The following COL4A5 variants were observed in gnomAD, a reference collection of about 807,000 sequenced individuals.
COL4A5 encodes collagen alpha-5(IV) chain.
In COL4A5, 26 loss-of-function variants were observed where a neutral mutation model predicts 130.2. That is an observed-to-expected ratio of 0.20 (90% confidence interval 0.15 to 0.28). The LOEUF is 0.28. COL4A5 is among the 10% of genes least tolerant of loss of function. COL4A5 has a pLI of 1.00. For synonymous variants in COL4A5, 496 were observed against 439.6 expected, an observed-to-expected ratio of 1.13 and a Z score of -1.60; for missense variants, 1,131 against 1,344.3, an observed-to-expected ratio of 0.84 and a Z score of 2.48.
intron 19 of COL4A5, among the ~76,000 whole-genome samples, chrX:108,588,360 T>C (rs759132475): frequency 9.0e-6 from 1 of 111,654 alleles, no homozygotes; most frequent in Non-Finnish European, 1.9e-5. Context: ...ATGCTCTAAA[T>C]GCAAACTTCA....
At chrX:108,599,590 T>C (rs966530370) in intron 25 of COL4A5, among the ~76,000 whole-genome samples, 1 of 111,570 alleles carries the variant, frequency 9.0e-6, no homozygotes, top group Non-Finnish European at 1.9e-5. Flanking sequence ...GCTAGGTAGA[T>C]AGATAGATCC....
intron 30 of COL4A5, among the ~76,000 whole-genome samples, chrX:108,618,459 A>T (rs57840901): frequency 0.1 from 11,628 of 111,408 alleles, 1,304 homozygotes; most frequent in African/African-American, 0.34. Flanking sequence ...AATTCCAAAA[A>T]GATTATTTAA....
chrX:108,641,616 A>G (rs2067468750), intron 36 of COL4A5, among the ~76,000 whole-genome samples: 1 of 111,874 alleles, frequency 8.9e-6, no homozygotes, highest in Non-Finnish European at 1.9e-5. Context: ...CCAAATACAC[A>G]CCGCCACTGG....
intron 1 of COL4A5, among the ~76,000 whole-genome samples, chrX:108,512,531 T>A (rs1160736739): frequency 5.4e-5 from 6 of 111,610 alleles, no homozygotes; most frequent in East Asian, 5.6e-4. Context: ...TATTTTTTTT[T>A]AATTTTTTTT....
At chrX:108,683,567 C>T (rs2068482091) in intron 47 of COL4A5, among the ~76,000 whole-genome samples, 1 of 111,280 alleles carries the variant, frequency 9.0e-6, no homozygotes, top group Non-Finnish European at 1.9e-5. Context: ...TCTCTTACTT[C>T]CTTGAGCAGT....
chrX:108,694,953 A>G (rs759293303), intron 51 of COL4A5, 32 bp downstream of exon 51: 2 of 1,000,138 alleles, frequency 2.0e-6, no homozygotes, highest in Non-Finnish European at 2.8e-6. Flanking sequence ...ATTTGTCATC[A>G]TAGCTGACTG....
chrX:108,627,249 A>C, intron 36 of COL4A5: 1 of 592,653 alleles, frequency 1.7e-6, no homozygotes, highest in Non-Finnish European at 2.0e-6. Context: ...ATTTTATTAA[A>C]AAATAATATA....
At chrX:108,689,396 G>A (rs769154621) in intron 49 of COL4A5, 217 of 751,032 alleles carry the variant, frequency 2.9e-4, no homozygotes, top group Non-Finnish European at 3.2e-4. Flanking sequence ...TGAGCACTAC[G>A]AATTCAAAAA....
intron 1 of COL4A5, among the ~76,000 whole-genome samples, chrX:108,521,127 A>C (rs1339657900): frequency 8.9e-6 from 1 of 112,155 alleles, no homozygotes; most frequent in East Asian, 2.8e-4. Context: ...TAATTATCAA[A>C]CATAAGAAAA....
chrX:108,486,127 A>G (rs1025242801), intron 1 of COL4A5, among the ~76,000 whole-genome samples: 1 of 111,229 alleles, frequency 9.0e-6, no homozygotes, highest in Non-Finnish European at 1.9e-5. Flanking sequence ...CTATCACTGC[A>G]GCCTCCTTCT....
chrX:108,622,644 A>G (rs760767529), intron 32 of COL4A5, 32 bp from the exon 33 acceptor site: 9 of 1,198,974 alleles, frequency 7.5e-6, no homozygotes, highest in Non-Finnish European at 1.0e-5. Context: ...GATAAAATTG[A>G]TATATTGTGT....
At chrX:108,636,138 A>C (rs954624371) in intron 36 of COL4A5, among the ~76,000 whole-genome samples, 5 of 111,693 alleles carry the variant, frequency 4.5e-5, no homozygotes, top group African/African-American at 1.6e-4. Flanking sequence ...ACAAAACAAA[A>C]ATCAAATCAT....
intron 1 of COL4A5, among the ~76,000 whole-genome samples, chrX:108,523,223 A>T (rs2065281788): frequency 3.6e-5 from 4 of 111,373 alleles, no homozygotes; most frequent in Admixed American, 9.5e-5. Flanking sequence ...TTATAGTTTT[A>T]GTTCTTGTGT....
intron 19 of COL4A5, 139 bp from the exon 20 acceptor site, chrX:108,590,919 C>A (rs2066421669): frequency 1.8e-6 from 1 of 556,111 alleles, no homozygotes; most frequent in Non-Finnish European, 2.9e-6. Flanking sequence ...TTTTTTCAGA[C>A]TTTTGAGTCT....
At chrX:108,657,274 A>C (rs745455791) in intron 37 of COL4A5, among the ~76,000 whole-genome samples, 49 of 111,101 alleles carry the variant, frequency 4.4e-4, no homozygotes, top group African/African-American at 1.5e-3. Context: ...GCATCCAATA[A>C]ATTACAGTCA....
intron 32 of COL4A5, 113 bp downstream of exon 32, chrX:108,622,005 GT>G: frequency 1.8e-6 from 1 of 568,900 alleles, no homozygotes; most frequent in Non-Finnish European, 3.0e-6. Context: ...GGTTACTTGT[GT>G]TTCTATGTAA....
intron 1 of COL4A5, among the ~76,000 whole-genome samples, chrX:108,458,896 C>A (rs1441108337): frequency 9.1e-6 from 1 of 110,206 alleles, no homozygotes. Context: ...AGGAGAATGG[C>A]GTGAACCCGG....
At chrX:108,504,715 C>T (rs1174079730) in intron 1 of COL4A5, among the ~76,000 whole-genome samples, 4 of 111,844 alleles carry the variant, frequency 3.6e-5, no homozygotes, top group Non-Finnish European at 7.5e-5. Context: ...GCTAGAATAG[C>T]CAGTATTAAA....
chrX:108,672,911 G>C (rs2068233035), intron 42 of COL4A5, among the ~76,000 whole-genome samples: 1 of 111,823 alleles, frequency 8.9e-6, no homozygotes, highest in African/African-American at 3.3e-5. Context: ...TCTAAGTATT[G>C]TCTTGAGTTA....
Sources: allele counts gnomAD v4.1 joint callset (sites outside exome capture counted in the v4.1 genomes callset), GRCh38; gene constraint gnomAD v4.1.1; transcripts MANE v1.5; gene names NCBI Gene and HGNC (gene_info 2026-07-23, HGNC 2026-07-21).